Variants in SLCO5A1 observed in about 807,000 individuals in gnomAD.
SLCO5A1 encodes the protein organic anion transporter polypeptide-related protein 4.
In SLCO5A1, 39 loss-of-function variants were observed where a neutral mutation model predicts 65.1. That is an observed-to-expected ratio of 0.60 (90% confidence interval 0.46 to 0.78). The LOEUF (loss-of-function observed/expected upper bound fraction) is 0.78. SLCO5A1 is among the 30% of genes least tolerant of loss of function. The pLI is 0.00. For synonymous variants in SLCO5A1, 438 were observed against 415.7 expected, an observed-to-expected ratio of 1.05 and a Z score of -0.65; for missense variants, 1,029 against 1,069.4, an observed-to-expected ratio of 0.96 and a Z score of 0.53.
At chr8:69,722,801 G>GTGTA (rs1354125605) in intron 5 of SLCO5A1, among the ~76,000 whole-genome samples, 5 of 152,006 alleles carry the variant, frequency 3.3e-5, no homozygotes, top group Admixed American at 6.6e-5. Context: ...GTGTGTGTGT[G>GTGTA]TGTGTGAATA....
rs1238721821 is a variant in SLCO5A1, at chr8:69,669,218, CTAGT to C, written c.*3647_*3650del. The C allele has an allele frequency of 6.6e-6, 1 of 152,226 alleles. No homozygotes were observed. Among genetic ancestry groups the C allele is most frequent in the African/African-American group, 2.4e-5 (1 of 41,540 alleles). 9.4% of individuals were successfully genotyped at this position (152,226 alleles called of 1,614,324 possible). On this transcript the variant is annotated 3_prime_UTR_variant, in exon 10 of 10. Transcript: ENST00000260126. ...ATAAATGTAAATTTACCTTGAAAAT[CTAGT>C]TAAACATTAAATCTTGATATTTCCT...
intron 3 of SLCO5A1, among the ~76,000 whole-genome samples, chr8:69,760,387 G>C (rs879639915): frequency 6.6e-6 from 1 of 152,142 alleles, no homozygotes; most frequent in African/African-American, 2.4e-5. Flanking sequence ...ATGAAAATAG[G>C]AAGTGTGTAT....
At chr8:69,673,610 G>A (rs1430419896) in intron 9 of SLCO5A1, among the ~76,000 whole-genome samples, 1 of 152,020 alleles carries the variant, frequency 6.6e-6, no homozygotes, top group Non-Finnish European at 1.5e-5. Flanking sequence ...ATATACAATT[G>A]TATTTGTCAA....
At chr8:69,826,073 C>T (rs1360113022) in intron 2 of SLCO5A1, among the ~76,000 whole-genome samples, 1 of 152,148 alleles carries the variant, frequency 6.6e-6, no homozygotes. Flanking sequence ...AACTGGCTAG[C>T]CATATGCAGA....
chr8:69,817,019 A>G (rs1267720927), intron 2 of SLCO5A1, among the ~76,000 whole-genome samples: 4 of 152,148 alleles, frequency 2.6e-5, no homozygotes, highest in African/African-American at 9.7e-5. Context: ...AGATCTCTTA[A>G]TTTTTTAAAT....
chr8:69,810,433 G>A (rs776366572), intron 2 of SLCO5A1, among the ~76,000 whole-genome samples: 9 of 152,152 alleles, frequency 5.9e-5, no homozygotes, highest in Non-Finnish European at 1.0e-4. Context: ...AAAGGAAGCT[G>A]GAGGAGTGCC....
rs1018917912 is a variant in SLCO5A1 at position 69,706,653 on chromosome 8, C to A, written c.1424-1424G>T. 2.0e-5 allele frequency among the ~76,000 whole-genome samples: 3 copies of A among 152,306 alleles called. No individual in the cohort carries two copies. In the South Asian group the frequency reaches 6.2e-4, roughly 32 times the overall value. The stretch of plus-strand genomic sequence containing the variant: ...AGAAATTGGGCCCTCCTTCACCACA[C>A]GGGGCCAGGGCCTTGTTGTTGGACT... On this transcript the variant is annotated intron_variant, in intron 5 of 9. Transcript: ENST00000260126.
chr8:69,727,447 C>G (rs1586731815), intron 5 of SLCO5A1, among the ~76,000 whole-genome samples: 1 of 152,270 alleles, frequency 6.6e-6, no homozygotes, highest in Middle Eastern at 3.4e-3. Flanking sequence ...ACATATTATA[C>G]AGTTCAATCT....
chr8:69,775,906 T>C (rs1035247289), intron 2 of SLCO5A1, among the ~76,000 whole-genome samples: 1 of 152,020 alleles, frequency 6.6e-6, no homozygotes, highest in Non-Finnish European at 1.5e-5. Context: ...TCCCAGCTAC[T>C]TGGGAGGTTG....
At chr8:69,804,024 A>T (rs1819875546) in intron 2 of SLCO5A1, among the ~76,000 whole-genome samples, 1 of 152,180 alleles carries the variant, frequency 6.6e-6, no homozygotes, top group African/African-American at 2.4e-5. Context: ...AAGAAATCTG[A>T]AACAGCAGCC....
chr8:69,776,801 T>C (rs1328731057), intron 2 of SLCO5A1, among the ~76,000 whole-genome samples: 1 of 152,206 alleles, frequency 6.6e-6, no homozygotes, highest in Non-Finnish European at 1.5e-5. Flanking sequence ...AATAAGCACA[T>C]GAAAGATATT....
chr8:69,692,871 C>T (rs1231746333), intron 6 of SLCO5A1, among the ~76,000 whole-genome samples: 3 of 152,054 alleles, frequency 2.0e-5, no homozygotes, highest in African/African-American at 7.2e-5. Flanking sequence ...TTTTTTAATA[C>T]GTAGAAAGAG....
chr8:69,795,732 T>G (rs1819462329), intron 2 of SLCO5A1, among the ~76,000 whole-genome samples: 1 of 152,226 alleles, frequency 6.6e-6, no homozygotes, highest in African/African-American at 2.4e-5. Context: ...GGGGACTTTG[T>G]GTGGGGGCTC....
chr8:69,799,674 GA>G (rs1248298613), intron 2 of SLCO5A1, among the ~76,000 whole-genome samples: 1 of 152,208 alleles, frequency 6.6e-6, no homozygotes, highest in Admixed American at 6.5e-5. Context: ...GGCAGAAGGG[GA>G]AGCAAAAACG....
intron 4 of SLCO5A1, among the ~76,000 whole-genome samples, chr8:69,749,603 G>A (rs749965932): frequency 3.0e-4 from 46 of 151,558 alleles, no homozygotes; most frequent in Non-Finnish European, 6.5e-4. Flanking sequence ...AAGACAGAGT[G>A]AGACAAAGCA....
chr8:69,823,238 A>T (rs1820726052), intron 2 of SLCO5A1, among the ~76,000 whole-genome samples: 1 of 152,206 alleles, frequency 6.6e-6, no homozygotes, highest in Admixed American at 6.5e-5. Context: ...ATCAGCTAAC[A>T]TCATAAAGAC....
intron 2 of SLCO5A1, among the ~76,000 whole-genome samples, chr8:69,770,516 C>T (rs960186223): frequency 1.3e-5 from 2 of 152,102 alleles, no homozygotes; most frequent in African/African-American, 4.8e-5. Context: ...CCCACATATA[C>T]ACACCCGCCC....
At chr8:69,763,747 T>C (rs1424556642) in intron 2 of SLCO5A1, among the ~76,000 whole-genome samples, 1 of 151,242 alleles carries the variant, frequency 6.6e-6, no homozygotes, top group East Asian at 1.9e-4. Flanking sequence ...AAATAAGTAA[T>C]ATTTTGTCAA....
chr8:69,668,690 G>C lies in SLCO5A1; in HGVS notation c.*4179C>G, dbSNP rs1037135581. 5 of 152,016 alleles carry C rather than the reference G, an allele frequency of 3.3e-5. No homozygotes were observed. The highest frequency in any genetic ancestry group is 9.7e-5 in the African/African-American group (4 of 41,354). 9.4% of individuals were successfully genotyped at this position (152,016 alleles called of 1,614,324 possible). A position where few individuals can be genotyped will look rare whatever the true frequency, so the allele number is the denominator to read the frequency against. Reference sequence around the variant, plus strand: ...CCAAAAAGACACTTTCTGGCTCCAAGTGCACCAAAGAGCGCAAGCTGGAAT... The same window carrying C: ...CCAAAAAGACACTTTCTGGCTCCAACTGCACCAAAGAGCGCAAGCTGGAAT... On this transcript the variant is annotated 3_prime_UTR_variant, in exon 10 of 10. Transcript: ENST00000260126.
Sources: gnomAD v4.1 joint callset for allele counts (sites outside exome capture counted in the v4.1 genomes callset) on GRCh38, gnomAD v4.1.1 for gene constraint, MANE v1.5 for transcripts, NCBI Gene and HGNC (gene_info 2026-07-23, HGNC 2026-07-21) for gene names.